WDR83: variants seen among roughly 807,000 people sequenced by gnomAD.
WDR83 encodes the protein WD repeat domain 83.
In WDR83, 37 loss-of-function variants were observed where a neutral mutation model predicts 37.7. That is an observed-to-expected ratio of 0.98 (90% CI 0.76 to 1.29). WDR83 has a LOEUF of 1.29. Among genes scored for constraint, WDR83 ranks in the 50% most tolerant of loss-of-function variants. The pLI, the probability that WDR83 is intolerant of heterozygous loss-of-function variation, is 0.00. For synonymous variants in WDR83, 174 were observed against 181.1 expected (o/e 0.96, Z 0.31); for missense variants, 445 against 414.4 (o/e 1.07, Z -0.64).
chr19:12,669,445 TCGC>T (rs1568311825), intron 2 of WDR83: 1 of 1,567,956 alleles, frequency 6.4e-7, no homozygotes, highest in South Asian at 1.2e-5. Context: ...GCTGCAGGAA[TCGC>T]AGCTTCCGGC....
At chr19:12,673,399 A>G in intron 10 of WDR83, 83 bp downstream of exon 10, 1 of 543,700 alleles carries the variant, frequency 1.8e-6, no homozygotes, top group Non-Finnish European at 3.3e-6. Context: ...CCAGGGCCTG[A>G]AGGCTAGGAT....
At chr19:12,671,986 G>A (rs994978046) in intron 7 of WDR83, among the ~76,000 whole-genome samples, 10 of 152,156 alleles carry the variant, frequency 6.6e-5, no homozygotes, top group African/African-American at 9.7e-5. Flanking sequence ...GTGAGCCACC[G>A]CGCCTGGTGG....
chr19:12,673,410 CTTT>C (rs58676851), intron 10 of WDR83, 94 bp downstream of exon 10: 13,549 of 239,742 alleles, frequency 0.057, 3 homozygotes, highest in South Asian at 0.084. Context: ...AGGCTAGGAT[CTTT>C]TTTTTTTTTT....
At position 12,666,868 on chromosome 19, in the gene WDR83, G is replaced by A; in HGVS notation, c.-281G>A. On this transcript the variant is annotated 5_prime_UTR_variant, in exon 1 of 11. Coordinates refer to ENST00000418543, the MANE Select transcript of WDR83 (RefSeq NM_001099737.3). Reference sequence around the variant, plus strand: ...TGGGCAATCCCGGGGGTCGTTACAGGAAGGTAGGAAAATGCCACCCTCAGG... The same window carrying A: ...TGGGCAATCCCGGGGGTCGTTACAGAAAGGTAGGAAAATGCCACCCTCAGG... 1.5e-6 allele frequency: 1 copy of A among 662,686 alleles called. No individual in the cohort carries two copies. The highest frequency in any genetic ancestry group is 4.2e-4 in the Middle Eastern group (1 of 2,366). 41.1% of individuals were successfully genotyped at this position (662,686 alleles called of 1,614,324 possible).
intron 7 of WDR83, 150 bp from the exon 8 acceptor site, chr19:12,672,697 T>C (rs759398068): frequency 3.5e-5 from 26 of 745,690 alleles, no homozygotes; most frequent in Non-Finnish European, 5.0e-5. Flanking sequence ...TAGGACGTAA[T>C]TGGCCCTGGG....
At position 12,670,746 on chromosome 19, in the gene WDR83, A is replaced by C; in HGVS notation, c.431A>C (p.Glu144Ala). ...RCWDCRSRRP[E>A]PVQTLDEARD... is the part of the protein sequence containing the mutation. Reference sequence around the variant, plus strand: ...TGGGATTGCCGCTCACGGAGGCCTGAGCCAGTGCAGACGCTGGATGAGGCC... The same window carrying C: ...TGGGATTGCCGCTCACGGAGGCCTGCGCCAGTGCAGACGCTGGATGAGGCC... Residue 144 changes from glutamate to alanine, a missense_variant, in exon 7 of 11, where the codon GAG (glutamate) becomes GCG (alanine). Transcript: ENST00000418543. 6.2e-7 allele frequency: 1 copy of C among 1,614,182 alleles called. No homozygotes were observed. Among genetic ancestry groups the C allele is most frequent in the Non-Finnish European group, 8.5e-7 (1 of 1,180,028 alleles).
At chr19:12,670,420 A>G (rs997175935) in intron 5 of WDR83, 135 bp downstream of exon 5, 158 of 1,499,514 alleles carry the variant, frequency 1.1e-4, no homozygotes, top group Non-Finnish European at 1.4e-4. Context: ...ATGCCAGGCT[A>G]GGCAGTCACC....
intron 1 of WDR83, chr19:12,668,242 C>T: frequency 1.8e-6 from 2 of 1,097,462 alleles, no homozygotes; most frequent in Middle Eastern, 2.4e-4. Context: ...GCTGGGGGCA[C>T]CGAGACGGCC....
At chr19:12,669,672 GAT>G in intron 2 of WDR83, 81 bp from the exon 3 acceptor site, 1 of 1,149,072 alleles carries the variant, frequency 8.7e-7, no homozygotes, top group Non-Finnish European at 1.2e-6. Context: ...ACCCGGAAGT[GAT>G]AAACAGGAAG....
chr19:12,670,942 C>T, intron 7 of WDR83, 121 bp downstream of exon 7: 11 of 1,431,358 alleles, frequency 7.7e-6, no homozygotes, highest in Non-Finnish European at 1.0e-5. Flanking sequence ...ATCCCAGCTA[C>T]TTGGGAGGCT....
At chr19:12,674,231 G>A (rs1174360157) in intron 10 of WDR83, among the ~76,000 whole-genome samples, 4 of 152,204 alleles carry the variant, frequency 2.6e-5, no homozygotes, top group Admixed American at 2.6e-4. Flanking sequence ...AGATAGGGCT[G>A]CAGTCATTCA....
rs1245098120 is a variant in WDR83, at chr19:12,675,788, CA to C, written c.*119del. On this transcript the variant is annotated 3_prime_UTR_variant, in exon 11 of 11. Coordinates refer to ENST00000418543, the MANE Select transcript of WDR83 (RefSeq NM_001099737.3). ...AAAAGTAGGGGAGGGGCTGGGTCTG[CA>C]AATTAATAAATAGAAGAGGGGGTAA... 3.2e-6 allele frequency: 5 copies of C among 1,567,256 alleles called. No individual in the cohort carries two copies. The highest frequency in any genetic ancestry group is 1.4e-5 in the African/African-American group (1 of 73,462).
chr19:12,672,403 GT>G (rs746116032), intron 7 of WDR83: 2 of 190,246 alleles, frequency 1.1e-5, no homozygotes, highest in Non-Finnish European at 2.2e-5. Flanking sequence ...GAGGTTGGGA[GT>G]TCGAGACCAG....
rs752077761 is a variant in WDR83, at chr19:12,674,582, AG to A, written c.799-939del. 5.7e-4 allele frequency among the ~76,000 whole-genome samples: 86 copies of A among 152,192 alleles called. 1 individual carries two copies. Among genetic ancestry groups the A allele is most frequent in the Non-Finnish European group, 1.6e-4 (11 of 68,030 alleles). On this transcript the variant is annotated intron_variant, in intron 10 of 10. Coordinates refer to ENST00000418543, the MANE Select transcript of WDR83 (RefSeq NM_001099737.3). The stretch of plus-strand genomic sequence containing the variant: ...GCAGGCACATCAAGGGACATTTTCA[AG>A]GTGGAAAGAGGAAGCATGGCTTGCT...
intron 2 of WDR83, chr19:12,669,473 C>T: frequency 1.3e-6 from 2 of 1,542,880 alleles, no homozygotes; most frequent in East Asian, 4.9e-5. Context: ...AAGCTGAGGG[C>T]GGATTTTAGA....
At chr19:12,669,145 A>G in intron 2 of WDR83, 2 of 1,614,048 alleles carry the variant, frequency 1.2e-6, no homozygotes, top group Non-Finnish European at 1.7e-6. Flanking sequence ...ATGAGGCCGC[A>G]CATGCTGAAG....
intron 1 of WDR83, among the ~76,000 whole-genome samples, chr19:12,667,204 G>A (rs968751579): frequency 6.6e-6 from 1 of 152,202 alleles, no homozygotes; most frequent in Admixed American, 6.5e-5. Flanking sequence ...ATGGGATCCA[G>A]CCTGGTTGAG....
intron 10 of WDR83, among the ~76,000 whole-genome samples, chr19:12,674,324 G>A (rs1227868969): frequency 4.6e-5 from 7 of 152,208 alleles, no homozygotes; most frequent in Non-Finnish European, 1.5e-5. Flanking sequence ...GCCTGGTGGG[G>A]AGTCAGGCCA....
chr19:12,669,928 C>G, intron 3 of WDR83, 35 bp downstream of exon 3: 1 of 1,601,628 alleles, frequency 6.2e-7, no homozygotes, highest in East Asian at 2.2e-5. Context: ...GGTCCTCCTC[C>G]CGCCTCCTGA....
Sources: allele counts gnomAD v4.1 joint callset (sites outside exome capture counted in the v4.1 genomes callset), GRCh38; gene constraint gnomAD v4.1.1; transcripts MANE v1.5; gene names NCBI Gene and HGNC (gene_info 2026-07-23, HGNC 2026-07-21).